HELLS: variants seen among roughly 807,000 people sequenced by gnomAD.
HELLS encodes helicase, lymphoid specific.
HELLS carries 32 observed loss-of-function variants against 120.0 expected under a neutral mutation model. The ratio of observed to expected loss-of-function variants is 0.27; its 90% CI spans 0.20 to 0.36. The LOEUF (loss-of-function observed/expected upper bound fraction) is 0.36. Among genes scored for constraint, HELLS ranks in the 10% least tolerant of loss-of-function variants. HELLS has a pLI of 1.00. For missense variants in HELLS, 650 were observed against 993.4 expected (o/e 0.65, Z 4.65); for synonymous variants, 341 against 323.4 (o/e 1.05, Z -0.58).
intron 19 of HELLS, 55 bp downstream of exon 19, chr10:94,594,909 G>T: frequency 7.4e-7 from 1 of 1,359,760 alleles, no homozygotes; most frequent in Non-Finnish European, 1.0e-6. Flanking sequence ...GTGTGTTGTG[G>T]ATTTTGTTTT....
chr10:94,579,125 C>T (rs1473671527), intron 10 of HELLS, among the ~76,000 whole-genome samples: 1 of 151,918 alleles, frequency 6.6e-6, no homozygotes, highest in Non-Finnish European at 1.5e-5. Flanking sequence ...GTAATATATA[C>T]CAATTTTTTT....
At chr10:94,604,453 C>T (rs1846104603), downstream of HELLS, among the ~76,000 whole-genome samples, 1 of 149,544 alleles carries the variant, frequency 6.7e-6, no homozygotes, top group African/African-American at 2.5e-5. Context: ...TCTCTGCCCC[C>T]ACCCCCCGCC....
chr10:94,574,228 T>A (rs1844325554), intron 8 of HELLS, 41 bp downstream of exon 8: 1 of 1,292,702 alleles, frequency 7.7e-7, no homozygotes, highest in East Asian at 2.3e-5. Context: ...CTGGTTTTAT[T>A]TCTATAGTAG....
intron 10 of HELLS, among the ~76,000 whole-genome samples, chr10:94,579,649 C>G (rs1467692674): frequency 1.3e-5 from 2 of 151,768 alleles, no homozygotes; most frequent in Non-Finnish European, 2.9e-5. Flanking sequence ...TCAAGTGATT[C>G]TCCTACCTCT....
Position 94,568,356 on chromosome 10 carries a change from G to A in HELLS, c.436-3032G>A, listed in dbSNP as rs1280806092. 2.6e-5 allele frequency among the ~76,000 whole-genome samples: 4 copies of A among 151,966 alleles called. No individual in the cohort carries two copies. The South Asian group carries it at 8.3e-4, about 32-fold the overall frequency. ...AACAATTTATCTTTTCCTCTCTTCC[G>A]AATCTTGCTCTTTTGTTTTCTCTTT... On this transcript the variant is annotated intron_variant, in intron 6 of 21. Transcript: ENST00000348459.
At chr10:94,577,171 G>A in intron 10 of HELLS, 2 of 378,314 alleles carry the variant, frequency 5.3e-6, no homozygotes, top group South Asian at 2.1e-5. Flanking sequence ...TATTTTTAGA[G>A]TATCTTATTG....
intron 12 of HELLS, among the ~76,000 whole-genome samples, chr10:94,588,022 G>T (rs1237370384): frequency 3.9e-5 from 6 of 152,052 alleles, no homozygotes; most frequent in Admixed American, 2.0e-4. Context: ...GTTTTTAAAA[G>T]AAAATAAATT....
chr10:94,581,933 G>T (rs1221589866), intron 11 of HELLS, among the ~76,000 whole-genome samples: 1 of 152,134 alleles, frequency 6.6e-6, no homozygotes, highest in Non-Finnish European at 1.5e-5. Flanking sequence ...GTTAGCACCA[G>T]AGCCAAAGTT....
chr10:94,601,782 T>C lies in HELLS; in HGVS notation c.*160T>C, dbSNP rs1242644487. On this transcript the variant is annotated 3_prime_UTR_variant, in exon 22 of 22. Transcript: ENST00000348459. The stretch of plus-strand genomic sequence containing the variant: ...TAAATAGATGGTAATTTTCTGAGCC[T>C]TACCAAGAACAAAGAAGTATCCATA... 1 of 472,002 alleles carries C rather than the reference T, an allele frequency of 2.1e-6. No individual in the cohort carries two copies. The highest frequency in any genetic ancestry group is 3.7e-6 in the Non-Finnish European group (1 of 267,272). 29.2% of individuals were successfully genotyped at this position (472,002 alleles called of 1,614,324 possible). A position where few individuals can be genotyped will look rare whatever the true frequency, so the allele number is the denominator to read the frequency against.
intron 13 of HELLS, among the ~76,000 whole-genome samples, chr10:94,589,983 G>A (rs372840481): frequency 1.3e-5 from 2 of 151,914 alleles, no homozygotes; most frequent in African/African-American, 4.8e-5. Flanking sequence ...CACCGTACCC[G>A]GCCTCTTCTC....
At chr10:94,568,277 C>T (rs993836028) in intron 6 of HELLS, among the ~76,000 whole-genome samples, 1 of 150,676 alleles carries the variant, frequency 6.6e-6, no homozygotes, top group African/African-American at 2.4e-5. Context: ...AGCAGTTTTA[C>T]GCCTACCAGT....
chr10:94,609,664 TTGAA>T (rs1242882344), intron 9 of HELLS, among the ~76,000 whole-genome samples: 1 of 152,196 alleles, frequency 6.6e-6, no homozygotes, highest in African/African-American at 2.4e-5. Context: ...GTCTGGGTAT[TTGAA>T]TGGTGTGAGA....
intron 8 of HELLS, 38 bp downstream of exon 8, chr10:94,574,225 T>C (rs1412229808): frequency 7.6e-7 from 1 of 1,321,934 alleles, no homozygotes; most frequent in South Asian, 1.2e-5. Flanking sequence ...ATACTGGTTT[T>C]ATTTCTATAG....
chr10:94,595,015 G>A (rs189781970), intron 19 of HELLS, among the ~76,000 whole-genome samples, 161 bp downstream of exon 19: 1 of 152,134 alleles, frequency 6.6e-6, no homozygotes, highest in Admixed American at 6.5e-5. Flanking sequence ...GGATCACGAG[G>A]TCAGGAGTTC....
chr10:94,557,088 C>T (rs1843307015), intron 3 of HELLS: 1 of 245,906 alleles, frequency 4.1e-6, no homozygotes, highest in Admixed American at 4.9e-5. Context: ...TGCTAACACA[C>T]CTGATTCTCT....
At position 94,586,421 on chromosome 10, in the gene HELLS, G is replaced by T. The variant is rs1002836628; in HGVS notation, c.1327-1808G>T. On this transcript the variant is annotated intron_variant, in intron 12 of 21. Transcript: ENST00000348459. ...CAGGCGTGAGCCACCGCGCCCGGCC[G>T]GACATGTTTTAACATGTTTATGAAA... Among the ~76,000 whole-genome samples, 3 of 152,160 alleles carry T rather than the reference G, an allele frequency of 2.0e-5. No individual in the cohort carries two copies. In the East Asian group the frequency reaches 5.8e-4, roughly 29 times the overall value.
chr10:94,563,598 T>C (rs1843656348), intron 6 of HELLS, among the ~76,000 whole-genome samples: 5 of 152,070 alleles, frequency 3.3e-5, no homozygotes. Flanking sequence ...GTGATCCTCC[T>C]ACCTCAGCCC....
Position 94,590,458 on chromosome 10 carries a change from A to G in HELLS, c.1534A>G (p.Thr512Ala), listed in dbSNP as rs76040812. Residue 512 changes from threonine to alanine, a missense_variant, in exon 14 of 22, where the codon ACT becomes GCT. By Grantham distance (58) the Thr-to-Ala change is moderately conservative (BLOSUM62 0). Around this residue, in one of 9 missense-constraint regions of HELLS, gnomAD observed 191 missense variants for 259.7 expected, o/e 0.74. Transcript: ENST00000348459. ...TCCTACTGGTCGACCAAAACGACGA[A>G]CTAGAAAATCAATAAATTACAGCAA... ...LSPTGRPKRR[T>A]RKSINYSKID... 120 of 1,611,632 alleles carry G rather than the reference A, an allele frequency of 7.4e-5. No homozygotes were observed. The East Asian group carries it at 2.6e-3, about 35-fold the overall frequency.
At chr10:94,579,328 G>A (rs1299211373) in intron 10 of HELLS, among the ~76,000 whole-genome samples, 2 of 150,710 alleles carry the variant, frequency 1.3e-5, no homozygotes, top group African/African-American at 4.9e-5. Flanking sequence ...AGCCTGCCGA[G>A]TAGTTGGGAC....
Sources: gnomAD v4.1 joint callset for allele counts (sites outside exome capture counted in the v4.1 genomes callset) on GRCh38, gnomAD v4.1.1 for gene constraint, gnomAD v4.1.1 regional missense constraint, MANE v1.5 for transcripts, NCBI Gene and HGNC (gene_info 2026-07-23, HGNC 2026-07-21) for gene names.